RAB38: variants seen among roughly 807,000 people sequenced by gnomAD.
The protein encoded by RAB38 is RAB38, member RAS oncogene family, also known as ras-related protein Rab-38.
A neutral mutation model predicts 18.4 loss-of-function variants in RAB38; 15 were observed. That is an observed-to-expected ratio of 0.82 (90% confidence interval 0.55 to 1.26). The LOEUF (loss-of-function observed/expected upper bound fraction) is 1.26, where lower values mean the gene tolerates loss of function less well. Ranked by LOEUF, RAB38 falls within the 50% of genes most tolerant of loss-of-function variation. The probability of loss-of-function intolerance (pLI) is 0.00; values close to 1 mark genes in which losing one functional copy is unlikely to be tolerated. For synonymous variants in RAB38, 101 were observed against 104.4 expected (o/e 0.97, Z 0.20); for missense variants, 294 against 267.4 (o/e 1.10, Z -0.69).
the RAB38 span, among the ~76,000 whole-genome samples, chr11:88,080,857 G>A: frequency 4.6e-4 from 10 of 21,576 alleles, no homozygotes; most frequent in African/African-American, 2.1e-3. Context: ...GAAGGAAGGA[G>A]GGAGGGAGGG....
chr11:87,847,139 G>T, the RAB38 span, among the ~76,000 whole-genome samples: 1 of 151,790 alleles, frequency 6.6e-6, no homozygotes, highest in Non-Finnish European at 1.5e-5. Context: ...GTAAGTAGAA[G>T]AAAGATTTTA....
the RAB38 span, among the ~76,000 whole-genome samples, chr11:88,069,814 A>T: frequency 1.7e-4 from 25 of 143,576 alleles, no homozygotes; most frequent in Admixed American, 1.7e-3. Context: ...CGCACCCATC[A>T]GTGCTCTGTG....
the RAB38 span, among the ~76,000 whole-genome samples, chr11:87,826,963 T>A: frequency 4.5e-4 from 68 of 152,280 alleles, no homozygotes; most frequent in Middle Eastern, 0.014. Flanking sequence ...ACTTCAGGCC[T>A]GGTTTGAGCC....
the RAB38 span, among the ~76,000 whole-genome samples, chr11:87,928,848 C>T: frequency 6.6e-6 from 1 of 152,086 alleles, no homozygotes; most frequent in Non-Finnish European, 1.5e-5. Flanking sequence ...GGTGCAGTGG[C>T]TCACACCTGT....
the RAB38 span, among the ~76,000 whole-genome samples, chr11:88,050,802 G>T: frequency 6.6e-6 from 1 of 152,250 alleles, no homozygotes; most frequent in East Asian, 1.9e-4. Flanking sequence ...AGAATGCATA[G>T]ATCAACTAGT....
the RAB38 span, among the ~76,000 whole-genome samples, chr11:87,977,650 A>G: frequency 4.2e-5 from 5 of 118,364 alleles, no homozygotes; most frequent in South Asian, 1.0e-3. Flanking sequence ...TATATAAATT[A>G]TACAGTATAT....
intron 1 of RAB38, among the ~76,000 whole-genome samples, chr11:88,169,686 G>A (rs1313114227): frequency 1.3e-5 from 2 of 152,316 alleles, no homozygotes; most frequent in South Asian, 4.1e-4. Context: ...AATGACTGGT[G>A]CTAGGTAAGA....
the RAB38 span, among the ~76,000 whole-genome samples, chr11:87,809,500 T>C: frequency 6.6e-6 from 1 of 152,208 alleles, no homozygotes; most frequent in Non-Finnish European, 1.5e-5. Context: ...CACCACTTTG[T>C]GTAGCCTGAG....
chr11:87,977,389 TTA>T, the RAB38 span, among the ~76,000 whole-genome samples: 4 of 45,926 alleles, frequency 8.7e-5, no homozygotes, highest in African/African-American at 4.1e-4. Flanking sequence ...TAAAATATAA[TTA>T]TATATATAAT....
chr11:87,958,776 G>C, the RAB38 span, among the ~76,000 whole-genome samples: 1 of 152,142 alleles, frequency 6.6e-6, no homozygotes, highest in Non-Finnish European at 1.5e-5. Flanking sequence ...CGTTTGCCTT[G>C]TTTGTAAATA....
the RAB38 span, among the ~76,000 whole-genome samples, chr11:87,931,495 C>T: frequency 6.6e-6 from 1 of 151,968 alleles, no homozygotes; most frequent in South Asian, 2.1e-4. Context: ...GAGGCAATTA[C>T]CAGGAGTAGG....
the RAB38 span, among the ~76,000 whole-genome samples, chr11:88,104,499 G>T: frequency 6.6e-6 from 1 of 152,036 alleles, no homozygotes; most frequent in African/African-American, 2.4e-5. Context: ...TTTGACTACT[G>T]GCTCAGTCAC....
the RAB38 span, among the ~76,000 whole-genome samples, chr11:87,892,424 A>G: frequency 3.3e-5 from 5 of 151,960 alleles, no homozygotes; most frequent in South Asian, 4.1e-4. Context: ...TAGCTGTATA[A>G]CTGGATTTCC....
chr11:88,138,778 C>CT (rs1181653181), intron 2 of RAB38, among the ~76,000 whole-genome samples: 21 of 60,250 alleles, frequency 3.5e-4, no homozygotes, highest in Admixed American at 5.3e-4. Flanking sequence ...TATTATTATT[C>CT]TTTTTTTTTT....
the RAB38 span, among the ~76,000 whole-genome samples, chr11:87,976,943 TATAAAATATAATTACATTATACAA>T: frequency 3.1e-5 from 1 of 32,378 alleles, no homozygotes; most frequent in Non-Finnish European, 5.3e-5. Context: ...ACAAGTATAT[TATAAAATATAATTACATTATACAA>T]GTATATTATA....
chr11:88,119,787 G>A (rs968755508), intron 2 of RAB38, among the ~76,000 whole-genome samples: 1 of 151,620 alleles, frequency 6.6e-6, no homozygotes, highest in Non-Finnish European at 1.5e-5. Flanking sequence ...AACACCAACT[G>A]TACCCGAGAC....
the RAB38 span, among the ~76,000 whole-genome samples, chr11:87,889,542 T>TG: frequency 6.6e-6 from 1 of 151,918 alleles, no homozygotes; most frequent in Non-Finnish European, 1.5e-5. Flanking sequence ...TAGTTATAAT[T>TG]TTTGAGTAGC....
chr11:87,836,164 T>G, the RAB38 span, among the ~76,000 whole-genome samples: 1 of 152,212 alleles, frequency 6.6e-6, no homozygotes, highest in Non-Finnish European at 1.5e-5. Context: ...ATTGTACTAG[T>G]TATGGTAAAG....
the RAB38 span, among the ~76,000 whole-genome samples, chr11:87,964,731 A>C: frequency 6.6e-6 from 1 of 152,164 alleles, no homozygotes; most frequent in Non-Finnish European, 1.5e-5. Context: ...AAATTAAAAA[A>C]AATTGCTTCC....
Sources: allele counts gnomAD v4.1 joint callset (sites outside exome capture counted in the v4.1 genomes callset), GRCh38; gene constraint gnomAD v4.1.1; transcripts MANE v1.5; gene names NCBI Gene and HGNC (gene_info 2026-07-23, HGNC 2026-07-21).